The following MAPK8IP1 variants were observed in gnomAD, a reference collection of about 807,000 sequenced individuals.
MAPK8IP1 encodes the protein C-Jun-amino-terminal kinase-interacting protein 1.
MAPK8IP1 carries 17 observed loss-of-function variants against 72.6 expected under a neutral mutation model. The observed-to-expected ratio is 0.23, with a 90% CI of 0.16 to 0.35. The LOEUF (loss-of-function observed/expected upper bound fraction) is 0.35. Ranked by LOEUF, MAPK8IP1 falls within the 10% of genes least tolerant of loss-of-function variation. MAPK8IP1 has a pLI of 1.00. For synonymous variants in MAPK8IP1, 401 were observed against 443.4 expected (o/e 0.90, Z 1.20); for missense variants, 789 against 1,009.7 (o/e 0.78, Z 2.96).
Position 45,904,061 on chromosome 11 carries a change from A to G in MAPK8IP1, c.1566A>G (p.Glu522=). 6.2e-7 allele frequency: 1 copy of G among 1,614,038 alleles called. No individual in the cohort carries two copies. Among genetic ancestry groups the G allele is most frequent in the Non-Finnish European group, 8.5e-7 (1 of 1,180,008 alleles). ...DDPLLVELQA[E]DYWYEAYNMR... ...CTCTGCTAGTGGAGCTCCAGGCTGA[A>G]GACTACTGGTACGAGGCCTACAACA... Residue 522 remains glutamate (E), a synonymous_variant, in exon 7 of 12, where the codon GAA becomes GAG. Coordinates refer to ENST00000241014, the MANE Select transcript of MAPK8IP1 (RefSeq NM_005456.4). The surrounding 1 kb of genome is among the most constrained non-coding windows in gnomAD (Gnocchi z 6.4).
rs1448342383 is a variant in MAPK8IP1 at position 45,905,670 on chromosome 11, C to T, written c.2085C>T (p.Tyr695=). 1.9e-6 allele frequency: 3 copies of T among 1,613,920 alleles called. No individual in the cohort carries two copies. Among genetic ancestry groups the T allele is most frequent in the South Asian group, 1.1e-5 (1 of 91,080 alleles). The change falls in exon 12 of 12, where the codon TAC becomes TAT. Residue 695 remains tyrosine, a synonymous_variant. Transcript: ENST00000241014. ...ESVGRAFQQF[Y]KQFVEYTCPT... The stretch of plus-strand genomic sequence containing the variant: ...CTAGGAGAGCATTCCAGCAGTTCTA[C>T]AAGCAGTTTGTGGAGTACACCTGCC...
At chr11:45,899,483 G>A (rs1181808907) in intron 2 of MAPK8IP1, among the ~76,000 whole-genome samples, 1 of 152,234 alleles carries the variant, frequency 6.6e-6, no homozygotes, top group African/African-American at 2.4e-5. Flanking sequence ...CAGGGGATCT[G>A]TCCAAGGTGC....
intron 11 of MAPK8IP1, 86 bp from the exon 12 acceptor site, chr11:45,905,563 G>T: frequency 1.6e-6 from 2 of 1,231,924 alleles, no homozygotes; most frequent in Non-Finnish European, 2.4e-6. Context: ...GGGCCCCAAG[G>T]CTCCAGCGGG....
Position 45,900,379 on chromosome 11 carries a change from C to G in MAPK8IP1, c.449C>G (p.Pro150Arg). Residue 150 changes from proline (P) to arginine (R), a missense_variant, in exon 3 of 12, where the codon CCG becomes CGG. Physicochemically the swap from Pro to Arg is moderately radical, Grantham distance 103. Around this residue, in one of 4 missense-constraint regions of MAPK8IP1, gnomAD observed 112 missense variants for 192.8 expected, o/e 0.58. Transcript: ENST00000241014. This position sits in a 1 kb window ranked among gnomAD's most constrained non-coding sequence, Gnocchi z 6.5. ...CAGAGCCAAGGCCAGAGCCAGGGCC[C>G]GGGCAGCGGGGACACGTACCGGCCC... Reference protein sequence around the residue: ...QGQSQGQSQGPGSGDTYRPKR... With the variant: ...QGQSQGQSQGRGSGDTYRPKR... 1.3e-6 allele frequency: 2 copies of G among 1,524,944 alleles called. No homozygotes were observed. Among genetic ancestry groups the G allele is most frequent in the Non-Finnish European group, 1.8e-6 (2 of 1,142,830 alleles). 94.5% of individuals were successfully genotyped at this position (1,524,944 alleles called of 1,614,324 possible).
rs1191625517 is a variant in MAPK8IP1, at chr11:45,904,167, G to A, written c.1666+6G>A. Reference sequence around the variant, plus strand: ...GGAGCCCGAGCACATGGCAGGTAGTGTTCCCTCCCTGGCCTGTGCCCCCAG... The same window carrying A: ...GGAGCCCGAGCACATGGCAGGTAGTATTCCCTCCCTGGCCTGTGCCCCCAG... On this transcript the variant is annotated splice_donor_region_variant and intron_variant, in intron 7 of 11. Transcript: ENST00000241014. This position sits in a 1 kb window ranked among gnomAD's most constrained non-coding sequence, Gnocchi z 6.4. The A allele has an allele frequency of 2.5e-5, 41 of 1,612,988 alleles. No homozygotes were observed. The highest frequency in any genetic ancestry group is 3.3e-4 in the Middle Eastern group (2 of 6,084).
In MAPK8IP1 at chr11:45,904,235, T is replaced by A; in HGVS notation, c.1666+74T>A. 1 of 1,506,136 alleles carries A rather than the reference T, an allele frequency of 6.6e-7. No homozygotes were observed. The highest frequency in any genetic ancestry group is 9.1e-7 in the Non-Finnish European group (1 of 1,097,352). 93.3% of individuals were successfully genotyped at this position (1,506,136 alleles called of 1,614,324 possible). On this transcript the variant is annotated intron_variant, in intron 7 of 11. Coordinates refer to ENST00000241014, the MANE Select transcript of MAPK8IP1 (RefSeq NM_005456.4). The surrounding 1 kb of genome is among the most constrained non-coding windows in gnomAD (Gnocchi z 6.4). ...CCCAACTTGCTGCTAGGTGAACGTG[T>A]ACTCCAGATCTCAGCCAGCCAGGTG...
At position 45,904,157 on chromosome 11, in the gene MAPK8IP1, G is replaced by A. The variant is rs748542670; in HGVS notation, c.1662G>A (p.Met554Ile). The A allele has an allele frequency of 6.2e-7, 1 of 1,613,684 alleles. No individual in the cohort carries two copies. Among genetic ancestry groups the A allele is most frequent in the Admixed American group, 1.7e-5 (1 of 59,998 alleles). The change falls in exon 7 of 12, where the codon ATG (methionine) becomes ATA (isoleucine). Residue 554 changes from methionine to isoleucine, a missense_variant. By Grantham distance (10) the Met-to-Ile change is conservative. Around this residue, in one of 4 missense-constraint regions of MAPK8IP1, gnomAD observed 188 missense variants for 293.3 expected, o/e 0.64. Coordinates refer to ENST00000241014, the MANE Select transcript of MAPK8IP1 (RefSeq NM_005456.4). The surrounding 1 kb of genome is among the most constrained non-coding windows in gnomAD (Gnocchi z 6.4). ...AGGTCACCAAGGAGCCCGAGCACATGGCAGGTAGTGTTCCCTCCCTGGCCT... is the reference window on the plus strand; with the variant it reads ...AGGTCACCAAGGAGCCCGAGCACATAGCAGGTAGTGTTCCCTCCCTGGCCT... ...AIEVTKEPEH[M>I]AALAKNSDWV...
rs2086680373 is a variant in MAPK8IP1, at chr11:45,903,910, T to C, written c.1494-79T>C. ...ATGTTTACTGAAATAACGATGCTGC[T>C]GTGGCTCCCAGACCCCAGAGTAGGC... is the stretch of plus-strand genomic sequence containing the variant. On this transcript the variant is annotated intron_variant, in intron 6 of 11. Coordinates refer to ENST00000241014, the MANE Select transcript of MAPK8IP1 (RefSeq NM_005456.4). This position sits in a 1 kb window ranked among gnomAD's most constrained non-coding sequence, Gnocchi z 6.4. The C allele has an allele frequency of 3.1e-6, 4 of 1,306,646 alleles. No individual in the cohort carries two copies. Among genetic ancestry groups the C allele is most frequent in the Non-Finnish European group, 4.4e-6 (4 of 906,664 alleles). 80.9% of individuals were successfully genotyped at this position (1,306,646 alleles called of 1,614,324 possible). A position where few individuals can be genotyped will look rare whatever the true frequency, so the allele number is the denominator to read the frequency against.
At chr11:45,896,129 G>A (rs1051579651) in intron 1 of MAPK8IP1, among the ~76,000 whole-genome samples, 3 of 152,222 alleles carry the variant, frequency 2.0e-5, no homozygotes, top group African/African-American at 7.2e-5. Flanking sequence ...AGCCCTTCCA[G>A]CTCTGCTCTA....
chr11:45,905,969 G>A lies in MAPK8IP1; in HGVS notation c.*248G>A. On this transcript the variant is annotated 3_prime_UTR_variant, in exon 12 of 12. Coordinates refer to ENST00000241014, the MANE Select transcript of MAPK8IP1 (RefSeq NM_005456.4). ...GGCTGCCTGGGGATTGGGAGGGACAGGGCTTGGGGAGCAGGTCTCTGGCAG... is the reference window on the plus strand; with the variant it reads ...GGCTGCCTGGGGATTGGGAGGGACAAGGCTTGGGGAGCAGGTCTCTGGCAG... The A allele has an allele frequency of 1.7e-6, 1 of 588,656 alleles. No homozygotes were observed. Among genetic ancestry groups the A allele is most frequent in the Non-Finnish European group, 3.0e-6 (1 of 328,058 alleles). The allele number at this position is 588,656 out of a possible 1,614,324, so 36.5% of individuals were successfully genotyped here.
In MAPK8IP1 at chr11:45,902,523, T is replaced by C; in HGVS notation, c.756T>C (p.Pro252=). 1 of 1,610,826 alleles carries C rather than the reference T, an allele frequency of 6.2e-7. No individual in the cohort carries two copies. The highest frequency in any genetic ancestry group is 8.5e-7 in the Non-Finnish European group (1 of 1,179,190). The change falls in exon 5 of 12, where the codon CCT becomes CCC. Residue 252 remains proline, a synonymous_variant. Transcript: ENST00000241014. This position sits in a 1 kb window ranked among gnomAD's most constrained non-coding sequence, Gnocchi z 9.3. ...AGATGGCACCTCCGGGTGGTCCCCC[T>C]GCTGCCCCGCCTGGGGGTCGGGGCC... ...ATQMAPPGGP[P]AAPPGGRGHS...
chr11:45,903,169 C>T lies in MAPK8IP1; in HGVS notation c.1402C>T (p.Arg468Cys), dbSNP rs201907262. Residue 468 changes from arginine (R) to cysteine (C), a missense_variant, in exon 5 of 12, where the codon CGC becomes TGC. Physicochemically the swap from Arg to Cys is radical, Grantham distance 180. Around this residue, in one of 4 missense-constraint regions of MAPK8IP1, gnomAD observed 377 missense variants for 411.7 expected, o/e 0.92. Coordinates refer to ENST00000241014, the MANE Select transcript of MAPK8IP1 (RefSeq NM_005456.4). This position sits in a 1 kb window ranked among gnomAD's most constrained non-coding sequence, Gnocchi z 6.4. ...KKFLNVFMSG[R>C]SRSSSAESFG... Reference sequence around the variant, plus strand: ...ATTCCTGAACGTCTTCATGAGTGGCCGCTCCCGCTCCTCCAGTGAGTCAGC... The same window carrying T: ...ATTCCTGAACGTCTTCATGAGTGGCTGCTCCCGCTCCTCCAGTGAGTCAGC... The T allele has an allele frequency of 3.7e-5, 60 of 1,601,420 alleles. No individual in the cohort carries two copies. In the Admixed American group the frequency reaches 3.8e-4, roughly 10 times the overall value.
rs1176449185 is a variant in MAPK8IP1, at chr11:45,905,139, C to G, written c.1965-12C>G. On this transcript the variant is annotated splice_polypyrimidine_tract_variant and intron_variant, in intron 10 of 11. Transcript: ENST00000241014. ...AGCCCCCGTCCCAGCACAGACAGACCTGTCCCTGCAGGTACTTTGGGTTCA... is the reference window on the plus strand; with the variant it reads ...AGCCCCCGTCCCAGCACAGACAGACGTGTCCCTGCAGGTACTTTGGGTTCA... 7 of 1,613,584 alleles carry G rather than the reference C, an allele frequency of 4.3e-6. No individual in the cohort carries two copies. The highest frequency in any genetic ancestry group is 5.1e-6 in the Non-Finnish European group (6 of 1,179,664).
At chr11:45,896,444 G>A (rs767871496) in intron 1 of MAPK8IP1, 20 of 839,994 alleles carry the variant, frequency 2.4e-5, no homozygotes, top group Non-Finnish European at 2.9e-5. Flanking sequence ...CTTTTGGGGG[G>A]AAACATCCTA....
At position 45,885,879 on chromosome 11, in the gene MAPK8IP1, C is replaced by G. The variant is rs771299766; in HGVS notation, c.59C>G (p.Ser20Cys). The change falls in exon 1 of 12, where the codon TCC (serine) becomes TGC (cysteine). Residue 20 changes from serine to cysteine, a missense_variant. Transcript: ENST00000241014. ...GGGGCCGCGTCCCCGCCCGCCGCCT[C>G]CCCGTTCCTGGGGCTGCACATCGCT... ...GGGAASPPAA[S>C]PFLGLHIASP... The G allele has an allele frequency of 6.8e-7, 1 of 1,462,756 alleles. No homozygotes were observed. Among genetic ancestry groups the G allele is most frequent in the South Asian group, 1.3e-5 (1 of 74,844 alleles). The allele number at this position is 1,462,756 out of a possible 1,614,324, so 90.6% of individuals were successfully genotyped here. A position where few individuals can be genotyped will look rare whatever the true frequency, so the allele number is the denominator to read the frequency against.
At position 45,900,066 on chromosome 11, in the gene MAPK8IP1, GCGGGGGGCGGTGCAAGCGGCCTCGGC is replaced by G. The variant is rs1225439817; in HGVS notation, c.208-70_208-45del. 2.0e-6 allele frequency: 2 copies of G among 977,044 alleles called. No homozygotes were observed. Among genetic ancestry groups the G allele is most frequent in the Non-Finnish European group, 2.6e-6 (2 of 779,870 alleles). The allele number at this position is 977,044 out of a possible 1,614,324, so 60.5% of individuals were successfully genotyped here. A position where few individuals can be genotyped will look rare whatever the true frequency, so the allele number is the denominator to read the frequency against. ...CGCGCCACAGAATGGACTCGCCCGG[GCGGGGGGCGGTGCAAGCGGCCTCGGC>G]CCCGCCCCGGCCCCGCCCCCTGACG... On this transcript the variant is annotated intron_variant, in intron 2 of 11. Coordinates refer to ENST00000241014, the MANE Select transcript of MAPK8IP1 (RefSeq NM_005456.4). This position sits in a 1 kb window ranked among gnomAD's most constrained non-coding sequence, Gnocchi z 6.5.
rs1468122253 is a variant in MAPK8IP1, at chr11:45,892,228, C to A, written c.102-5857C>A. The stretch of plus-strand genomic sequence containing the variant: ...GAGAGGGATGCTGGGTCTGGCTCAT[C>A]CCCACCCCACCGTTTCAGCCAGCAC... On this transcript the variant is annotated intron_variant, in intron 1 of 11. Transcript: ENST00000241014. Among the ~76,000 whole-genome samples the A allele has an allele frequency of 2.0e-5, 3 of 152,260 alleles. No individual in the cohort carries two copies. In the East Asian group the frequency reaches 5.8e-4, roughly 29 times the overall value.
chr11:45,903,005 A>G lies in MAPK8IP1; in HGVS notation c.1238A>G (p.Tyr413Cys), dbSNP rs539430270. Residue 413 changes from tyrosine (Y) to cysteine (C), a missense_variant, in exon 5 of 12, where the codon TAT becomes TGT. Coordinates refer to ENST00000241014, the MANE Select transcript of MAPK8IP1 (RefSeq NM_005456.4). The surrounding 1 kb of genome is among the most constrained non-coding windows in gnomAD (Gnocchi z 6.4). ...YSDESDSATV[Y>C]DNCASVSSPY... is the part of the protein sequence containing the mutation. Reference sequence around the variant, plus strand: ...GACGAGAGTGACTCTGCCACCGTCTATGACAACTGTGCCTCCGTCTCCTCG... The same window carrying G: ...GACGAGAGTGACTCTGCCACCGTCTGTGACAACTGTGCCTCCGTCTCCTCG... 6.8e-6 allele frequency: 11 copies of G among 1,611,896 alleles called. No individual in the cohort carries two copies. Among genetic ancestry groups the G allele is most frequent in the African/African-American group, 2.7e-5 (2 of 74,992 alleles).
chr11:45,903,140 A>G lies in MAPK8IP1; in HGVS notation c.1373A>G (p.Lys458Arg). ...TPDEPDVHFS[K>R]KFLNVFMSGR... The stretch of plus-strand genomic sequence containing the variant: ...GATGAACCCGACGTCCATTTCTCCA[A>G]GAAATTCCTGAACGTCTTCATGAGT... The change falls in exon 5 of 12, where the codon AAG (lysine) becomes AGG (arginine). Residue 458 changes from lysine to arginine, a missense_variant. Lys to Arg is a conservative substitution (Grantham distance 26). Transcript: ENST00000241014. This position sits in a 1 kb window ranked among gnomAD's most constrained non-coding sequence, Gnocchi z 6.4. 1 of 1,607,070 alleles carries G rather than the reference A, an allele frequency of 6.2e-7. No homozygotes were observed. The highest frequency in any genetic ancestry group is 1.3e-5 in the African/African-American group (1 of 74,908).
Sources: allele counts gnomAD v4.1 joint callset (sites outside exome capture counted in the v4.1 genomes callset), GRCh38; gene constraint gnomAD v4.1.1; regional missense constraint gnomAD v4.1.1; non-coding constraint Gnocchi (gnomAD v3.1); transcripts MANE v1.5; gene names NCBI Gene and HGNC (gene_info 2026-07-23, HGNC 2026-07-21).